LPIN1: variants seen among roughly 807,000 people sequenced by gnomAD.
LPIN1 encodes lipin 1.
Under a neutral mutation model 107.5 loss-of-function variants are expected in LPIN1, and 71 were observed. The ratio of observed to expected loss-of-function variants is 0.66; its 90% CI spans 0.55 to 0.80. The LOEUF (loss-of-function observed/expected upper bound fraction) is 0.80, where lower values mean the gene tolerates loss of function less well. Among genes scored for constraint, LPIN1 ranks in the 30% least tolerant of loss-of-function variants. LPIN1 has a pLI of 0.00. For synonymous variants in LPIN1, 445 were observed against 452.6 expected (o/e 0.98, Z 0.21); for missense variants, 1,043 against 1,160.6 (o/e 0.90, Z 1.47).
chr2:11,760,023 GCTC>G lies in LPIN1; in HGVS notation c.-9-5506_-9-5504del, dbSNP rs556977752. Among the ~76,000 whole-genome samples the G allele has an allele frequency of 7.9e-3, 1,169 of 147,124 alleles. 7 individuals carry two copies. The highest frequency in any genetic ancestry group is 0.026 in the African/African-American group (1,033 of 39,086). ...TCAGACGGGGCGGCCGGGCAGAGAC[GCTC>G]CTCACCTCCCAGACGGGGTCGCGGC... On this transcript the variant is annotated intron_variant, in intron 1 of 20. Transcript: ENST00000674199.
At chr2:11,776,266 A>G in intron 6 of LPIN1, 73 bp downstream of exon 6, 1 of 920,624 alleles carries the variant, frequency 1.1e-6, no homozygotes. Flanking sequence ...CTATAAGTCT[A>G]TTTTACCATT....
At position 11,734,867 on chromosome 2, in the gene LPIN1, G is replaced by C. The variant is rs1572465992; in HGVS notation, c.-71-6482G>C. On this transcript the variant is annotated intron_variant, in intron 1 of 21. Transcript: ENST00000396097. The stretch of plus-strand genomic sequence containing the variant: ...AGGCAGTCTCTTTCCCTTATTGCAT[G>C]AGAGAGAATGCAAAAAAATTTTTTG... Among the ~76,000 whole-genome samples the C allele has an allele frequency of 3.3e-5, 5 of 152,314 alleles. No individual in the cohort carries two copies. The South Asian group carries it at 1.0e-3, about 32-fold the overall frequency.
chr2:11,785,618 G>T (rs1364485924), intron 10 of LPIN1, among the ~76,000 whole-genome samples: 1 of 152,148 alleles, frequency 6.6e-6, no homozygotes, highest in Non-Finnish European at 1.5e-5. Context: ...GTTATCAGCT[G>T]GGGACTAGAC....
At position 11,693,783 on chromosome 2, in the gene LPIN1, A is replaced by AGTGT. The variant is rs1251379087; in HGVS notation, c.81+16058_81+16061dup. ...CAAGAGCCATATATGTGTGTGTGTG[A>AGTGT]GTGTGTATATATATATATATATATA... On this transcript the variant is annotated intron_variant, in intron 1 of 21. Transcript: ENST00000449576. 3.5e-3 allele frequency among the ~76,000 whole-genome samples: 247 copies of AGTGT among 71,582 alleles called. 3 individuals carry two copies. The highest frequency in any genetic ancestry group is 0.018 in the African/African-American group (239 of 13,296). 47.0% of individuals were successfully genotyped at this position (71,582 alleles called of 152,430 possible). A position where few individuals can be genotyped will look rare whatever the true frequency, so the allele number is the denominator to read the frequency against.
At position 11,784,966 on chromosome 2, in the gene LPIN1, G is replaced by C. The variant is rs754372493; in HGVS notation, c.1439G>C (p.Ser480Thr). Residue 480 changes from serine to threonine, a missense_variant, in exon 10 of 21, where the codon AGC becomes ACC. By Grantham distance (58) the Ser-to-Thr change is moderately conservative. Transcript: ENST00000674199. ...SANQSPQSVG[S>T]SGVDSGVEST... ...AACCAGTCCCCGCAGTCGGTGGGCAGCTCGGGCGTGGACAGTGGCGTGGAG... is the reference window on the plus strand; with the variant it reads ...AACCAGTCCCCGCAGTCGGTGGGCACCTCGGGCGTGGACAGTGGCGTGGAG... The C allele has an allele frequency of 6.2e-7, 1 of 1,613,954 alleles. No homozygotes were observed. Among genetic ancestry groups the C allele is most frequent in the Non-Finnish European group, 8.5e-7 (1 of 1,180,022 alleles).
At chr2:11,686,285 C>CTG (rs372477475) in intron 1 of LPIN1, among the ~76,000 whole-genome samples, 26,715 of 152,050 alleles carry the variant, frequency 0.18, 3,013 homozygotes, top group South Asian at 0.26. Flanking sequence ...TGTGATCACC[C>CTG]ACAGCCCCTG....
At chr2:11,815,985 G>T (rs1292120176) in intron 18 of LPIN1, among the ~76,000 whole-genome samples, 1 of 152,160 alleles carries the variant, frequency 6.6e-6, no homozygotes, top group Non-Finnish European at 1.5e-5. Flanking sequence ...ATAGGACATT[G>T]GTCCCTGCTG....
At chr2:11,702,237 G>A (rs945595229) in intron 1 of LPIN1, among the ~76,000 whole-genome samples, 2 of 152,216 alleles carry the variant, frequency 1.3e-5, no homozygotes, top group African/African-American at 4.8e-5. Context: ...CTGTGGAAAG[G>A]AACAGGTGAG....
intron 2 of LPIN1, among the ~76,000 whole-genome samples, chr2:11,766,147 C>T (rs1670843572): frequency 6.6e-6 from 1 of 152,214 alleles, no homozygotes; most frequent in Non-Finnish European, 1.5e-5. Flanking sequence ...CCCATGGCCT[C>T]TCCACGTGGC....
At position 11,786,247 on chromosome 2, in the gene LPIN1, G is replaced by A. The variant is rs1674556021; in HGVS notation, c.1550-827G>A. Among the ~76,000 whole-genome samples the A allele has an allele frequency of 6.6e-6, 1 of 152,188 alleles. No individual in the cohort carries two copies. Among genetic ancestry groups the A allele is most frequent in the Non-Finnish European group, 1.5e-5 (1 of 68,026 alleles). ...GTGCATGTTGAAGCCAGTCAGGCTG[G>A]CATCAAGACCCAGGGACTCTTTTCC... On this transcript the variant is annotated intron_variant, in intron 10 of 20. Transcript: ENST00000674199. The surrounding 1 kb of genome is among the most constrained non-coding windows in gnomAD (Gnocchi z 4.1).
intron 8 of LPIN1, 129 bp downstream of exon 8, chr2:11,782,636 GTC>G: frequency 9.6e-7 from 1 of 1,040,650 alleles, no homozygotes; most frequent in Non-Finnish European, 1.4e-6. Context: ...ATCATGTTCA[GTC>G]TGAGCTCTTC....
At chr2:11,698,142 C>T (rs1429767057) in intron 1 of LPIN1, among the ~76,000 whole-genome samples, 2 of 152,152 alleles carry the variant, frequency 1.3e-5, no homozygotes, top group East Asian at 1.9e-4. Context: ...CAGGGGTGTG[C>T]GGGGCGGCTC....
At chr2:11,733,216 C>G (rs1357298956) in intron 1 of LPIN1, among the ~76,000 whole-genome samples, 1 of 152,016 alleles carries the variant, frequency 6.6e-6, no homozygotes, top group Non-Finnish European at 1.5e-5. Context: ...CCAAGTATTC[C>G]TTTTGAAACT....
chr2:11,689,854 A>G (rs1408787667), intron 1 of LPIN1, among the ~76,000 whole-genome samples: 1 of 152,172 alleles, frequency 6.6e-6, no homozygotes, highest in Non-Finnish European at 1.5e-5. Context: ...GCAGTGAGCC[A>G]AGATCGTGCC....
At chr2:11,766,031 C>T (rs141939884) in intron 2 of LPIN1, among the ~76,000 whole-genome samples, 1 of 152,334 alleles carries the variant, frequency 6.6e-6, no homozygotes, top group African/African-American at 2.4e-5. Flanking sequence ...CTGGAAAGCT[C>T]AAAGGCTGAG....
At chr2:11,692,510 G>A (rs1662323989) in intron 1 of LPIN1, among the ~76,000 whole-genome samples, 2 of 152,240 alleles carry the variant, frequency 1.3e-5, no homozygotes, top group South Asian at 2.1e-4. Context: ...TGGGGCCTGG[G>A]AATATGTAAC....
chr2:11,811,276 A>G (rs1679597154), intron 17 of LPIN1, among the ~76,000 whole-genome samples: 2 of 152,278 alleles, frequency 1.3e-5, no homozygotes, highest in African/African-American at 4.8e-5. Flanking sequence ...CCTGTGTGGC[A>G]TGTCCTGCCA....
chr2:11,731,845 A>G (rs1382080729), intron 1 of LPIN1, among the ~76,000 whole-genome samples: 7 of 144,116 alleles, frequency 4.9e-5, no homozygotes, highest in South Asian at 2.2e-4. Context: ...TTTTTTTCAT[A>G]TGTTTGTTGG....
chr2:11,785,090 C>T lies in LPIN1; in HGVS notation c.1549+14C>T, dbSNP rs1424902970. The T allele has an allele frequency of 2.0e-6, 3 of 1,535,342 alleles. No homozygotes were observed. Among genetic ancestry groups the T allele is most frequent in the South Asian group, 1.2e-5 (1 of 82,636 alleles). ...AGATCACGAAAGGTACCGCGGGCCTCGCGCGGGCGCCCTCTGGTGGCCGCC... is the reference window on the plus strand; with the variant it reads ...AGATCACGAAAGGTACCGCGGGCCTTGCGCGGGCGCCCTCTGGTGGCCGCC... On this transcript the variant is annotated intron_variant, in intron 10 of 20. Transcript: ENST00000674199.
Sources: gnomAD v4.1 joint callset for allele counts (sites outside exome capture counted in the v4.1 genomes callset) on GRCh38, gnomAD v4.1.1 for gene constraint, Gnocchi (gnomAD v3.1) non-coding constraint, MANE v1.5 for transcripts, NCBI Gene and HGNC (gene_info 2026-07-23, HGNC 2026-07-21) for gene names.